Variants in SGCD observed in about 807,000 individuals in gnomAD.
The protein encoded by SGCD is delta-sarcoglycan.
SGCD carries 18 observed loss-of-function variants against 36.6 expected under a neutral mutation model. The ratio of observed to expected loss-of-function variants is 0.49; its 90% CI spans 0.34 to 0.73. The LOEUF is 0.73. Among genes scored for constraint, SGCD ranks in the 30% least tolerant of loss-of-function variants. SGCD has a pLI of 0.01. For missense variants in SGCD, 387 were observed against 346.7 expected (o/e 1.12, Z -0.92); for synonymous variants, 133 against 130.6 (o/e 1.02, Z -0.12).
chr5:156,072,942 A>G (rs1338811187), intron 1 of SGCD, among the ~76,000 whole-genome samples: 1 of 152,072 alleles, frequency 6.6e-6, no homozygotes, highest in Non-Finnish European at 1.5e-5. Context: ...AGGCTTCTGC[A>G]TTCTTCACGT....
At chr5:156,545,515 A>G (rs1032486846) in intron 4 of SGCD, among the ~76,000 whole-genome samples, 3 of 152,110 alleles carry the variant, frequency 2.0e-5, no homozygotes, top group African/African-American at 7.2e-5. Flanking sequence ...TGGTTTCAGA[A>G]TGAAACTTTT....
At chr5:155,860,132 T>C in the SGCD span, among the ~76,000 whole-genome samples, 4 of 152,246 alleles carry the variant, frequency 2.6e-5, no homozygotes. Context: ...CTTCAAATGT[T>C]ATTGCCTATG....
intron 4 of SGCD, among the ~76,000 whole-genome samples, chr5:156,585,421 A>G (rs894112409): frequency 6.6e-6 from 1 of 152,196 alleles, no homozygotes; most frequent in Non-Finnish European, 1.5e-5. Context: ...CTTACAAACT[A>G]TCCTTTGAAA....
chr5:156,359,327 G>T (rs571891621), intron 3 of SGCD, among the ~76,000 whole-genome samples: 1 of 152,256 alleles, frequency 6.6e-6, no homozygotes, highest in South Asian at 2.1e-4. Flanking sequence ...GGATTCACAG[G>T]TTGATTATTG....
intron 3 of SGCD, among the ~76,000 whole-genome samples, chr5:156,406,813 T>C (rs1344468233): frequency 9.3e-6 from 1 of 107,976 alleles, no homozygotes; most frequent in African/African-American, 4.1e-5. Flanking sequence ...TATATATATA[T>C]ATATATACAC....
chr5:156,502,545 G>A (rs1180478670), intron 3 of SGCD, among the ~76,000 whole-genome samples: 1 of 151,890 alleles, frequency 6.6e-6, no homozygotes, highest in Non-Finnish European at 1.5e-5. Context: ...ATGCTGCCCA[G>A]TTTGCTCTTA....
intron 3 of SGCD, among the ~76,000 whole-genome samples, chr5:156,126,725 T>C (rs1378918535): frequency 6.6e-6 from 1 of 152,246 alleles, no homozygotes; most frequent in African/African-American, 2.4e-5. Context: ...TTAGTGGCTA[T>C]GGAACTAGTC....
At chr5:156,328,573 A>G (rs544824651) in intron 1 of SGCD, among the ~76,000 whole-genome samples, 5 of 152,344 alleles carry the variant, frequency 3.3e-5, no homozygotes, top group South Asian at 2.1e-4. Context: ...CTTCCTCTGC[A>G]TAAGACCTAG....
intron 1 of SGCD, among the ~76,000 whole-genome samples, chr5:155,990,276 G>GA (rs767679740): frequency 3.9e-5 from 6 of 152,088 alleles, no homozygotes; most frequent in Non-Finnish European, 7.4e-5. Flanking sequence ...TTTTCCTGAA[G>GA]ATACAGCAAC....
At chr5:156,247,022 G>A (rs1428937972) in intron 3 of SGCD, among the ~76,000 whole-genome samples, 1 of 152,112 alleles carries the variant, frequency 6.6e-6, no homozygotes, top group Non-Finnish European at 1.5e-5. Flanking sequence ...GGCACCAATG[G>A]GCCTCTTTTC....
At chr5:155,826,746 T>G in the SGCD span, among the ~76,000 whole-genome samples, 62,978 of 151,964 alleles carry the variant, frequency 0.41, 13,477 homozygotes, top group East Asian at 0.62. Context: ...TGTAGTGCAG[T>G]TTCCATGACA....
intron 3 of SGCD, among the ~76,000 whole-genome samples, chr5:156,474,063 GGGGA>G (rs1356123185): frequency 1.3e-5 from 2 of 151,846 alleles, no homozygotes; most frequent in Non-Finnish European, 2.9e-5. Context: ...TTCTCCAGTG[GGGGA>G]GGGAGAGCAC....
At chr5:156,608,994 A>C (rs1761636512) in intron 6 of SGCD, among the ~76,000 whole-genome samples, 1 of 152,054 alleles carries the variant, frequency 6.6e-6, no homozygotes, top group African/African-American at 2.4e-5. Context: ...TTGACTCTTT[A>C]TCCAATTTGC....
chr5:156,423,883 G>C (rs1483811078), intron 3 of SGCD, among the ~76,000 whole-genome samples: 2 of 151,916 alleles, frequency 1.3e-5, no homozygotes, highest in Non-Finnish European at 2.9e-5. Context: ...CAAGGAGTAA[G>C]TACCTGGTAC....
chr5:155,962,693 G>A (rs1757815578), intron 1 of SGCD, among the ~76,000 whole-genome samples: 5 of 152,094 alleles, frequency 3.3e-5, no homozygotes, highest in African/African-American at 1.2e-4. Context: ...ACATCTTTGA[G>A]AGCCGGTAGA....
chr5:156,073,175 AC>A (rs1760640417), intron 1 of SGCD, among the ~76,000 whole-genome samples: 2 of 152,116 alleles, frequency 1.3e-5, no homozygotes, highest in Admixed American at 1.3e-4. Context: ...AATTCAGGAA[AC>A]TTGCTTGTAA....
chr5:156,013,027 T>C (rs1408725822), intron 1 of SGCD, among the ~76,000 whole-genome samples: 1 of 149,860 alleles, frequency 6.7e-6, no homozygotes, highest in Non-Finnish European at 1.5e-5. Flanking sequence ...TTTAGGTGTT[T>C]TTTTTTTTTT....
At chr5:155,869,997 TCAACAACAACAA>T (rs34754949), upstream of SGCD, among the ~76,000 whole-genome samples, 1 of 150,954 alleles carries the variant, frequency 6.6e-6, no homozygotes, top group African/African-American at 2.4e-5. Context: ...AGACTCCGTC[TCAACAACAACAA>T]CAACAACAAC....
intron 4 of SGCD, among the ~76,000 whole-genome samples, chr5:156,558,828 T>A (rs930835768): frequency 1.3e-5 from 2 of 152,178 alleles, no homozygotes; most frequent in African/African-American, 4.8e-5. Flanking sequence ...CCAACGAATG[T>A]GAAAACACTG....
Sources: allele counts gnomAD v4.1 joint callset (sites outside exome capture counted in the v4.1 genomes callset), GRCh38; gene constraint gnomAD v4.1.1; transcripts MANE v1.5; gene names NCBI Gene and HGNC (gene_info 2026-07-23, HGNC 2026-07-21).